Variants in ZSCAN25 observed in about 807,000 individuals in gnomAD.
The protein encoded by ZSCAN25 is zinc finger and SCAN domain-containing protein 25.
ZSCAN25 carries 27 observed loss-of-function variants against 38.7 expected under a neutral mutation model. That is an observed-to-expected ratio of 0.70 (90% CI 0.51 to 0.96). The LOEUF is 0.96. ZSCAN25 is among the 40% of genes least tolerant of loss of function. ZSCAN25 has a pLI of 0.00. For missense variants in ZSCAN25, 637 were observed against 705.9 expected, an observed-to-expected ratio of 0.90 and a Z score of 1.11; for synonymous variants, 273 against 277.7, an observed-to-expected ratio of 0.98 and a Z score of 0.17.
chr7:99,676,364 A>G, the ZSCAN25 span: 1 of 1,533,624 alleles, frequency 6.5e-7, no homozygotes, highest in East Asian at 2.5e-5. Context: ...GCATTCACTC[A>G]TCAGGTCCTT....
intron 7 of ZSCAN25, 23 bp downstream of exon 7, chr7:99,624,203 G>T (rs1212975122): frequency 1.2e-6 from 2 of 1,612,858 alleles, no homozygotes; most frequent in African/African-American, 2.7e-5. Flanking sequence ...CCACCCACAG[G>T]TGAGGAACTG....
the ZSCAN25 span, among the ~76,000 whole-genome samples, chr7:99,684,456 C>T: frequency 7.2e-5 from 11 of 152,302 alleles, no homozygotes; most frequent in African/African-American, 2.6e-4. Flanking sequence ...GCATGAGCCA[C>T]TGTGCTTGGT....
At chr7:99,675,757 G>C in the ZSCAN25 span, among the ~76,000 whole-genome samples, 8 of 137,498 alleles carry the variant, frequency 5.8e-5, no homozygotes, top group African/African-American at 1.7e-4. Context: ...GCAGTGGTGC[G>C]ATCACAGCTC....
At chr7:99,661,089 T>C in the ZSCAN25 span, among the ~76,000 whole-genome samples, 2 of 152,206 alleles carry the variant, frequency 1.3e-5, no homozygotes, top group Non-Finnish European at 2.9e-5. Context: ...AGAATTCCAA[T>C]ATAGCTTGAC....
At chr7:99,638,500 A>G in the ZSCAN25 span, 71 of 1,500,692 alleles carry the variant, frequency 4.7e-5, no homozygotes, top group South Asian at 7.9e-4. Context: ...CAGTCGGCAC[A>G]GTCCACTACG....
In ZSCAN25 at chr7:99,629,211, G is replaced by A. The variant is rs142244690; in HGVS notation, c.826G>A (p.Glu276Lys). ...VSPGGGSKEK[E>K]AKPPQEDLKG... ...TGTAGGCGGTGGGAGCAAGGAAAAG[G>A]AGGCAAAACCCCCACAGGAAGACCT... The change falls in exon 8 of 8, where the codon GAG becomes AAG. Residue 276 changes from glutamate (E) to lysine (K), a missense_variant. Transcript: ENST00000394152. This position sits in a 1 kb window ranked among gnomAD's most constrained non-coding sequence, Gnocchi z 5.6. 28 of 1,610,892 alleles carry A rather than the reference G, an allele frequency of 1.7e-5. No homozygotes were observed. Among genetic ancestry groups the A allele is most frequent in the African/African-American group, 9.4e-5 (7 of 74,820 alleles).
At chr7:99,665,355 T>C in the ZSCAN25 span, 2 of 1,611,630 alleles carry the variant, frequency 1.2e-6, no homozygotes, top group East Asian at 2.2e-5. Context: ...TCAGCACCTC[T>C]TACCGTCCTT....
chr7:99,681,933 C>T, the ZSCAN25 span, among the ~76,000 whole-genome samples: 3 of 152,088 alleles, frequency 2.0e-5, no homozygotes, highest in Admixed American at 6.6e-5. Context: ...GCAGTTTCAT[C>T]GTTTGAGGTC....
the ZSCAN25 span, chr7:99,735,265 C>G: frequency 1.1e-6 from 1 of 877,152 alleles, no homozygotes. Context: ...CAGCCAGTAG[C>G]AGGGCCCCCG....
At chr7:99,670,940 G>A in the ZSCAN25 span, 2 of 152,134 alleles carry the variant, frequency 1.3e-5, no homozygotes, top group Non-Finnish European at 2.9e-5. Context: ...TATCAAAAAA[G>A]TAGTGAAGTT....
the ZSCAN25 span, chr7:99,722,147 ATCT>A: frequency 6.2e-6 from 6 of 961,488 alleles, no homozygotes; most frequent in East Asian, 2.6e-5. Context: ...CCAAATACAT[ATCT>A]TCTTCTTTCA....
chr7:99,714,433 A>G, the ZSCAN25 span: 21 of 1,473,430 alleles, frequency 1.4e-5, no homozygotes, highest in East Asian at 4.8e-5. Flanking sequence ...TGCTCTAAAC[A>G]TAAGTACTCT....
At chr7:99,720,465 G>C in the ZSCAN25 span, 1 of 1,604,234 alleles carries the variant, frequency 6.2e-7, no homozygotes, top group Non-Finnish European at 8.5e-7. Flanking sequence ...TGCTACAGCT[G>C]GAGCCAAACC....
chr7:99,700,089 G>C, the ZSCAN25 span: 2 of 1,277,704 alleles, frequency 1.6e-6, no homozygotes, highest in Non-Finnish European at 2.3e-6. Context: ...GCTGTGTGCT[G>C]TTGTTTGCTG....
At chr7:99,672,737 C>T in the ZSCAN25 span, 3 of 1,609,700 alleles carry the variant, frequency 1.9e-6, no homozygotes, top group East Asian at 6.7e-5. Context: ...CAGCTGGAGC[C>T]ACACCCAGGA....
At chr7:99,637,831 A>C in the ZSCAN25 span, among the ~76,000 whole-genome samples, 91 of 152,366 alleles carry the variant, frequency 6.0e-4, no homozygotes, top group Non-Finnish European at 1.1e-3. Flanking sequence ...CATAGTCTGC[A>C]TGAATGCAAA....
At chr7:99,683,429 C>G in the ZSCAN25 span, among the ~76,000 whole-genome samples, 39 of 152,322 alleles carry the variant, frequency 2.6e-4, no homozygotes, top group East Asian at 3.3e-3. Context: ...AACCATTTAT[C>G]TATCTAGAAG....
the ZSCAN25 span, among the ~76,000 whole-genome samples, chr7:99,638,045 C>A: frequency 1.3e-5 from 2 of 152,124 alleles, no homozygotes; most frequent in Non-Finnish European, 2.9e-5. Flanking sequence ...CTCAGAGCAT[C>A]CTAACGCAAA....
the ZSCAN25 span, chr7:99,674,315 C>G: frequency 4.8e-6 from 2 of 416,934 alleles, no homozygotes. Context: ...GTCTTGTTTA[C>G]CTCCCTGAAT....
Sources: gnomAD v4.1 joint callset for allele counts (sites outside exome capture counted in the v4.1 genomes callset) on GRCh38, gnomAD v4.1.1 for gene constraint, Gnocchi (gnomAD v3.1) non-coding constraint, MANE v1.5 for transcripts, NCBI Gene and HGNC (gene_info 2026-07-23, HGNC 2026-07-21) for gene names.